CRHBP: variants seen among roughly 807,000 people sequenced by gnomAD.
CRHBP encodes the protein corticotropin releasing hormone binding protein, also known as corticotropin-releasing hormone-binding protein.
A neutral mutation model predicts 34.9 loss-of-function variants in CRHBP; 19 were observed. The ratio of observed to expected loss-of-function variants is 0.55; its 90% CI spans 0.38 to 0.80. CRHBP has a LOEUF of 0.80. Ranked by LOEUF, CRHBP falls within the 30% of genes least tolerant of loss-of-function variation. The pLI, the probability that CRHBP is intolerant of heterozygous loss-of-function variation, is 0.00. For synonymous variants in CRHBP, 154 were observed against 153.4 expected (o/e 1.00, Z -0.03); for missense variants, 328 against 409.2 (o/e 0.80, Z 1.71).
chr5:76,965,568 T>C (rs1402699264), intron 6 of CRHBP, among the ~76,000 whole-genome samples: 2 of 152,136 alleles, frequency 1.3e-5, no homozygotes, highest in Admixed American at 6.6e-5. Context: ...GAGATATACC[T>C]CAGCTGGGTT....
At position 76,953,056 on chromosome 5, in the gene CRHBP, C is replaced by T. The variant is rs910252740; in HGVS notation, c.-79C>T. The T allele has an allele frequency of 2.8e-6, 4 of 1,443,568 alleles. No individual in the cohort carries two copies. The highest frequency in any genetic ancestry group is 2.9e-6 in the Non-Finnish European group (3 of 1,026,728). The allele number at this position is 1,443,568 out of a possible 1,614,324, so 89.4% of individuals were successfully genotyped here. On this transcript the variant is annotated 5_prime_UTR_variant, in exon 1 of 7. Transcript: ENST00000274368. ...AAAGGGACCCTACCAGCTTCTAGCT[C>T]TCAGTCTGCGCGAGGGTGTAGGAAG...
In CRHBP at chr5:76,963,890, G is replaced by A. The variant is rs925093130; in HGVS notation, c.811+430G>A. On this transcript the variant is annotated intron_variant, in intron 6 of 6. Transcript: ENST00000274368. ...TATGTATGTGTGTGTGTTACTCATA[G>A]TAAATAAACAACAAAGTGATAAGCT... 2.6e-5 allele frequency among the ~76,000 whole-genome samples: 4 copies of A among 152,238 alleles called. No homozygotes were observed. The East Asian group carries it at 7.7e-4, about 29-fold the overall frequency.
chr5:76,957,830 A>T (rs1006974927), intron 4 of CRHBP, among the ~76,000 whole-genome samples: 1 of 152,082 alleles, frequency 6.6e-6, no homozygotes, highest in African/African-American at 2.4e-5. Flanking sequence ...GCTGTCTTTC[A>T]TTTTTTTCTC....
At chr5:76,958,948 A>G (rs1745733020) in intron 5 of CRHBP, 59 bp downstream of exon 5, 1 of 1,571,204 alleles carries the variant, frequency 6.4e-7, no homozygotes, top group South Asian at 1.2e-5. Context: ...TCAGAGCAGA[A>G]GCAATCATAT....
chr5:76,954,337 G>A (rs911261543), intron 3 of CRHBP, 151 bp downstream of exon 3: 8 of 931,958 alleles, frequency 8.6e-6, no homozygotes, highest in African/African-American at 6.7e-5. Context: ...GGAGAGGCGC[G>A]TTCGAGGACC....
downstream of CRHBP, among the ~76,000 whole-genome samples, chr5:76,972,947 C>T (rs920400550): frequency 3.9e-5 from 6 of 152,260 alleles, no homozygotes; most frequent in South Asian, 1.2e-3. Context: ...CACACCTTCT[C>T]TCTCTTCCCA....
In CRHBP at chr5:76,969,089, A is replaced by G; in HGVS notation, c.*204A>G. The G allele has an allele frequency of 2.1e-6, 1 of 477,850 alleles. No individual in the cohort carries two copies. Among genetic ancestry groups the G allele is most frequent in the Non-Finnish European group, 3.6e-6 (1 of 278,340 alleles). 29.6% of individuals were successfully genotyped at this position (477,850 alleles called of 1,614,324 possible). ...CTTTTATGTTTGTAATCTGTAAATG[A>G]ACACATGGCAGAAAATAACCCCTGA... On this transcript the variant is annotated 3_prime_UTR_variant, in exon 7 of 7. Transcript: ENST00000274368.
At chr5:76,963,081 T>C (rs769642373) in intron 5 of CRHBP, among the ~76,000 whole-genome samples, 1 of 152,138 alleles carries the variant, frequency 6.6e-6, no homozygotes, top group Non-Finnish European at 1.5e-5. Context: ...ATCATTCCAG[T>C]CCTTGAGCTT....
chr5:76,969,603 C>T (rs1745912991), downstream of CRHBP: 1 of 152,162 alleles, frequency 6.6e-6, no homozygotes, highest in South Asian at 2.1e-4. Context: ...GAACTCTGGG[C>T]CATTGAAGTA....
At position 76,955,719 on chromosome 5, in the gene CRHBP, G is replaced by T; in HGVS notation, c.400G>T (p.Ala134Ser). 1 of 1,614,222 alleles carries T rather than the reference G, an allele frequency of 6.2e-7. No homozygotes were observed. The highest frequency in any genetic ancestry group is 8.5e-7 in the Non-Finnish European group (1 of 1,180,052). ...TTCCCAGGATCATCCTCTCCCCTCA[G>T]CTGAGCGGTACATAGATTTCTGTGA... ...PSSQDHPLPS[A>S]ERYIDFCESG... is the part of the protein sequence containing the mutation. Residue 134 changes from alanine to serine, a missense_variant, in exon 4 of 7, where the codon GCT becomes TCT. Ala to Ser is a moderately conservative substitution (Grantham distance 99). This residue lies in a region of CRHBP where 173 missense variants were observed against 172.2 expected (regional missense o/e 1.00). Coordinates refer to ENST00000274368, the MANE Select transcript of CRHBP (RefSeq NM_001882.4).
At chr5:76,958,652 G>A (rs1445791264) in intron 4 of CRHBP, 89 bp from the exon 5 acceptor site, 3 of 1,421,166 alleles carry the variant, frequency 2.1e-6, no homozygotes, top group Non-Finnish European at 2.8e-6. Flanking sequence ...ATCATGAACA[G>A]GAGCCCTAGA....
intron 5 of CRHBP, among the ~76,000 whole-genome samples, chr5:76,959,381 T>C (rs1262735526): frequency 6.6e-6 from 1 of 152,228 alleles, no homozygotes; most frequent in Admixed American, 6.5e-5. Flanking sequence ...ACAGTAAAGC[T>C]TTGAAAAGTA....
Position 76,958,808 on chromosome 5 carries a change from C to T in CRHBP, c.612C>T (p.Asn204=), listed in dbSNP as rs144298478. The T allele has an allele frequency of 1.1e-5, 17 of 1,614,002 alleles. No individual in the cohort carries two copies. Among genetic ancestry groups the T allele is most frequent in the Non-Finnish European group, 1.4e-5 (16 of 1,180,002 alleles). Residue 204 remains asparagine (N), a synonymous_variant, in exon 5 of 7, where the codon AAC becomes AAT. Coordinates refer to ENST00000274368, the MANE Select transcript of CRHBP (RefSeq NM_001882.4). ...FTLVVPHQHR[N]CSFSIIYPVV... ...TGGTAGTTCCACACCAGCATCGAAA[C>T]TGCAGCTTCTCCATAATTTATCCTG...
intron 6 of CRHBP, among the ~76,000 whole-genome samples, chr5:76,965,684 G>A (rs557415011): frequency 5.9e-5 from 9 of 152,270 alleles, no homozygotes; most frequent in Admixed American, 2.0e-4. Flanking sequence ...AGAAAAAAAG[G>A]TGATTCTAAA....
intron 3 of CRHBP, chr5:76,976,533 T>C (rs534411440): frequency 6.6e-6 from 1 of 152,306 alleles, no homozygotes; most frequent in East Asian, 1.9e-4. Context: ...GAGTTCTTAT[T>C]CAACCACTAA....
downstream of CRHBP, among the ~76,000 whole-genome samples, chr5:76,971,681 T>C (rs923480042): frequency 1.1e-4 from 16 of 152,356 alleles, no homozygotes; most frequent in African/African-American, 3.6e-4. Flanking sequence ...CTGCAGGCAC[T>C]GCACTGCTCC....
intron 2 of CRHBP, among the ~76,000 whole-genome samples, chr5:76,976,038 C>T (rs1220040628): frequency 6.6e-6 from 1 of 150,384 alleles, no homozygotes; most frequent in Non-Finnish European, 1.5e-5. Flanking sequence ...TCAGCAAAAG[C>T]CAATCCCTTC....
chr5:76,980,695 A>C (rs1302032856), intron 3 of CRHBP, among the ~76,000 whole-genome samples: 1 of 152,194 alleles, frequency 6.6e-6, no homozygotes, highest in Admixed American at 6.5e-5. Flanking sequence ...TTACTTCCGT[A>C]AGTTGGGTGG....
At chr5:76,972,513 A>T (rs1435071333), downstream of CRHBP, among the ~76,000 whole-genome samples, 1 of 151,984 alleles carries the variant, frequency 6.6e-6, no homozygotes, top group Non-Finnish European at 1.5e-5. Context: ...AAAAAAATTT[A>T]TAGAGACAGG....
Sources: allele counts gnomAD v4.1 joint callset (sites outside exome capture counted in the v4.1 genomes callset), GRCh38; gene constraint gnomAD v4.1.1; regional missense constraint gnomAD v4.1.1; transcripts MANE v1.5; gene names NCBI Gene and HGNC (gene_info 2026-07-23, HGNC 2026-07-21).